Variants in MYOM2 observed in about 807,000 individuals in gnomAD.
MYOM2 encodes myomesin-2.
A neutral mutation model predicts 187.6 loss-of-function variants in MYOM2; 254 were observed. That is an observed-to-expected ratio of 1.35 (90% CI 1.22 to 1.50). MYOM2 has a LOEUF of 1.50. MYOM2 is among the 40% of genes most tolerant of loss of function. The pLI, the probability that MYOM2 is intolerant of heterozygous loss-of-function variation, is 0.00. For missense variants in MYOM2, 2,796 were observed against 1,924.0 expected (o/e 1.45, Z -8.48); for synonymous variants, 981 against 753.8 (o/e 1.30, Z -4.94).
chr8:2,108,277 TTTC>T (rs888340611), intron 23 of MYOM2, among the ~76,000 whole-genome samples: 15 of 151,196 alleles, frequency 9.9e-5, no homozygotes, highest in African/African-American at 3.4e-4. Flanking sequence ...TTTTTGTTAT[TTTC>T]TTCTTTCCTT....
intron 34 of MYOM2, 105 bp from the exon 35 acceptor site, chr8:2,142,270 T>A: frequency 8.0e-6 from 9 of 1,130,292 alleles, no homozygotes; most frequent in Non-Finnish European, 1.2e-5. Context: ...TATCTCCTTC[T>A]TCTTTTGCTT....
chr8:2,117,177 C>T (rs1392896186), intron 27 of MYOM2, among the ~76,000 whole-genome samples: 5 of 152,114 alleles, frequency 3.3e-5, no homozygotes, highest in Admixed American at 3.3e-4. Context: ...GTTTTTATTT[C>T]TAATAGTCAC....
rs753069760 is a variant in MYOM2 at position 2,073,481 on chromosome 8, C to T, written c.1101C>T (p.Ser367=). 12 of 1,605,750 alleles carry T rather than the reference C, an allele frequency of 7.5e-6. No individual in the cohort carries two copies. The highest frequency in any genetic ancestry group is 1.7e-4 in the Middle Eastern group (1 of 5,988). ...CTCGGGGCGGCGTCAGCGACCACAG[C>T]GCCTTCCTGTTTGTCAGAGGTGCGG... ...IVSRGGVSDH[S]AFLFVRDADP... is the part of the protein sequence containing the mutation. The change falls in exon 10 of 37, where the codon AGC becomes AGT. Residue 367 remains serine, a synonymous_variant. Transcript: ENST00000262113.
rs139312096 is a variant in MYOM2 at position 2,108,215 on chromosome 8, G to T, written c.2999-571G>T. 7.5e-3 allele frequency among the ~76,000 whole-genome samples: 1,140 copies of T among 152,074 alleles called. 6 individuals are homozygous for T. Among genetic ancestry groups the T allele is most frequent in the Non-Finnish European group, 0.011 (751 of 67,976 alleles). ...GCCCAGATTTTCTTACCTTGCTCTTGAGACTTTCTCAGGAATGCAAAATGC... is the reference window on the plus strand; with the variant it reads ...GCCCAGATTTTCTTACCTTGCTCTTTAGACTTTCTCAGGAATGCAAAATGC... On this transcript the variant is annotated intron_variant, in intron 23 of 36. Transcript: ENST00000262113.
At chr8:2,049,357 A>G (rs1266097435) in intron 1 of MYOM2, among the ~76,000 whole-genome samples, 5 of 152,162 alleles carry the variant, frequency 3.3e-5, no homozygotes, top group African/African-American at 4.8e-5. Flanking sequence ...TCTTCCCTGT[A>G]GAATAGGAGT....
At chr8:2,055,582 G>C (rs997577282) in intron 3 of MYOM2, among the ~76,000 whole-genome samples, 1 of 152,158 alleles carries the variant, frequency 6.6e-6, no homozygotes, top group African/African-American at 2.4e-5. Context: ...TTCCTTTCAT[G>C]GTTAGATTTT....
chr8:2,049,295 T>C (rs1486195701), intron 1 of MYOM2, among the ~76,000 whole-genome samples: 2 of 152,180 alleles, frequency 1.3e-5, no homozygotes, highest in African/African-American at 4.8e-5. Context: ...GGTAGCCTCT[T>C]CTACATGCTT....
intron 13 of MYOM2, chr8:2,085,026 G>T: frequency 2.1e-6 from 1 of 481,776 alleles, no homozygotes; most frequent in Non-Finnish European, 3.6e-6. Context: ...TTTCGGGTGA[G>T]ATTCCTTTCC....
chr8:2,051,191 T>C (rs1563411567), intron 2 of MYOM2, among the ~76,000 whole-genome samples: 1 of 151,720 alleles, frequency 6.6e-6, no homozygotes, highest in Non-Finnish European at 1.5e-5. Context: ...CCACCCAAAA[T>C]AAAAAGCAAT....
chr8:2,115,944 C>T lies in MYOM2; in HGVS notation c.3181-16C>T. The T allele has an allele frequency of 6.2e-7, 1 of 1,603,916 alleles. No individual in the cohort carries two copies. The highest frequency in any genetic ancestry group is 1.1e-5 in the South Asian group (1 of 88,354). The stretch of plus-strand genomic sequence containing the variant: ...TTTCCTTGTATAATTCTCCATTTCC[C>T]TTGTTTTGCTTGCAGATACACAGAA... On this transcript the variant is annotated splice_polypyrimidine_tract_variant and intron_variant, in intron 25 of 36. Transcript: ENST00000262113.
chr8:2,074,669 G>C (rs1391345785), intron 10 of MYOM2, among the ~76,000 whole-genome samples: 1 of 152,138 alleles, frequency 6.6e-6, no homozygotes, highest in Non-Finnish European at 1.5e-5. Context: ...TGGCCAGGCT[G>C]GTCTCGAACT....
chr8:2,108,068 G>A (rs1265369164), intron 23 of MYOM2, among the ~76,000 whole-genome samples: 6 of 152,104 alleles, frequency 3.9e-5, no homozygotes, highest in Non-Finnish European at 7.4e-5. Context: ...TTACTTTTGG[G>A]CAGAAAAATC....
chr8:2,120,298 G>A (rs1797381206), intron 28 of MYOM2, among the ~76,000 whole-genome samples: 1 of 152,042 alleles, frequency 6.6e-6, no homozygotes, highest in Non-Finnish European at 1.5e-5. Context: ...AAGTTGAGCA[G>A]GAAAGTGAGG....
chr8:2,125,052 C>T (rs1797589327), intron 31 of MYOM2, among the ~76,000 whole-genome samples: 1 of 152,100 alleles, frequency 6.6e-6, no homozygotes, highest in South Asian at 2.1e-4. Flanking sequence ...TTCCTTTTGT[C>T]AATTGTTTTC....
Position 2,142,409 on chromosome 8 carries a change from T to G in MYOM2, c.4024+12T>G, listed in dbSNP as rs114777567. 2 of 1,613,434 alleles carry G rather than the reference T, an allele frequency of 1.2e-6. No homozygotes were observed. The highest frequency in any genetic ancestry group is 1.7e-6 in the Non-Finnish European group (2 of 1,179,420). ...TTTTGCAGAGAAGAGTAAGTACCTGTTGGATTGTAACCAGGATGGTGAATT... is the reference window on the plus strand; with the variant it reads ...TTTTGCAGAGAAGAGTAAGTACCTGGTGGATTGTAACCAGGATGGTGAATT... On this transcript the variant is annotated intron_variant, in intron 35 of 36. Coordinates refer to ENST00000262113, the MANE Select transcript of MYOM2 (RefSeq NM_003970.4).
chr8:2,069,369 G>T lies in MYOM2; in HGVS notation c.742+3G>T. On this transcript the variant is annotated splice_donor_region_variant and intron_variant, in intron 7 of 36. Transcript: ENST00000262113. ...CAACGCGGCGGTGGTGGTGAGAAGT[G>T]AGTGCCGGGTGGGCTTTCACGGGGC... is the stretch of plus-strand genomic sequence containing the variant. The T allele has an allele frequency of 1.2e-6, 2 of 1,614,012 alleles. No homozygotes were observed. Among genetic ancestry groups the T allele is most frequent in the South Asian group, 2.2e-5 (2 of 91,082 alleles).
At position 2,140,721 on chromosome 8, in the gene MYOM2, A is replaced by G. The variant is rs945270903; in HGVS notation, c.3801-2A>G. 3 of 1,613,204 alleles carry G rather than the reference A, an allele frequency of 1.9e-6. No individual in the cohort carries two copies. In the African/African-American group the frequency reaches 4.0e-5, roughly 22 times the overall value. On this transcript the variant is annotated splice_acceptor_variant, in intron 32 of 36. Coordinates refer to ENST00000262113, the MANE Select transcript of MYOM2 (RefSeq NM_003970.4). LOFTEE classifies it high-confidence loss of function. The stretch of plus-strand genomic sequence containing the variant: ...AGATACGTTCCTGTTGCTCTTTTCA[A>G]GAGATGCTAAGATCTCATCCAGTGA...
intron 6 of MYOM2, among the ~76,000 whole-genome samples, chr8:2,063,851 C>T (rs933191868): frequency 3.3e-5 from 5 of 152,174 alleles, no homozygotes; most frequent in Non-Finnish European, 5.9e-5. Flanking sequence ...GCGCCATGGA[C>T]GTTTGTATAA....
intron 25 of MYOM2, among the ~76,000 whole-genome samples, chr8:2,114,661 A>C (rs11136468): frequency 6.6e-6 from 1 of 151,984 alleles, no homozygotes; most frequent in African/African-American, 2.4e-5. Flanking sequence ...GTAGAGTTGG[A>C]GTTTCACCAT....
Sources: gnomAD v4.1 joint callset for allele counts (sites outside exome capture counted in the v4.1 genomes callset) on GRCh38, gnomAD v4.1.1 for gene constraint, MANE v1.5 for transcripts, NCBI Gene and HGNC (gene_info 2026-07-23, HGNC 2026-07-21) for gene names.